PTPRK: variants seen among roughly 807,000 people sequenced by gnomAD.
The protein encoded by PTPRK is receptor-type tyrosine-protein phosphatase kappa.
Under a neutral mutation model 178.0 loss-of-function variants are expected in PTPRK, and 75 were observed. The ratio of observed to expected loss-of-function variants is 0.42; its 90% CI spans 0.35 to 0.51. The LOEUF is 0.51. Among genes scored for constraint, PTPRK ranks in the 20% least tolerant of loss-of-function variants. The pLI is 0.02. For synonymous variants in PTPRK, 637 were observed against 620.6 expected (o/e 1.03, Z -0.39); for missense variants, 1,441 against 1,797.8 (o/e 0.80, Z 3.59).
At chr6:128,145,242 T>A (rs572182283) in intron 7 of PTPRK, among the ~76,000 whole-genome samples, 1 of 152,108 alleles carries the variant, frequency 6.6e-6, no homozygotes, top group Admixed American at 6.6e-5. Flanking sequence ...AGTTCTTGTG[T>A]TCCTATCACA....
At chr6:128,246,108 A>G (rs181961840) in intron 3 of PTPRK, among the ~76,000 whole-genome samples, 40 of 152,302 alleles carry the variant, frequency 2.6e-4, no homozygotes, top group Non-Finnish European at 4.0e-4. Context: ...CTAGGAAAAT[A>G]AGTTTTATTT....
chr6:128,131,448 G>A (rs1794227849), intron 7 of PTPRK, among the ~76,000 whole-genome samples: 1 of 152,140 alleles, frequency 6.6e-6, no homozygotes, highest in African/African-American at 2.4e-5. Flanking sequence ...GATGGTAGTG[G>A]TGGGGGATGG....
At chr6:128,412,083 A>G (rs1363078003) in intron 1 of PTPRK, among the ~76,000 whole-genome samples, 1 of 152,220 alleles carries the variant, frequency 6.6e-6, no homozygotes, top group East Asian at 1.9e-4. Flanking sequence ...TTCTAAAACA[A>G]TATTAGTAAT....
chr6:128,390,540 T>C (rs1404558191), intron 2 of PTPRK, among the ~76,000 whole-genome samples: 1 of 152,152 alleles, frequency 6.6e-6, no homozygotes, highest in East Asian at 1.9e-4. Flanking sequence ...AAATAAATTA[T>C]ATAGCTCATT....
At chr6:128,041,510 T>C (rs971301789) in intron 13 of PTPRK, among the ~76,000 whole-genome samples, 23 of 152,002 alleles carry the variant, frequency 1.5e-4, no homozygotes, top group African/African-American at 5.6e-4. Flanking sequence ...TAATACTTTT[T>C]CCCTGCAATT....
chr6:128,359,838 A>T (rs1044692217), intron 2 of PTPRK, among the ~76,000 whole-genome samples: 1 of 152,192 alleles, frequency 6.6e-6, no homozygotes, highest in East Asian at 1.9e-4. Flanking sequence ...TACTATCTCA[A>T]TTAATAAGTG....
At chr6:128,344,709 G>A (rs1832170409) in intron 2 of PTPRK, among the ~76,000 whole-genome samples, 3 of 151,942 alleles carry the variant, frequency 2.0e-5, no homozygotes, top group South Asian at 4.1e-4. Context: ...AAAAGATGGG[G>A]TTTTGTCATT....
At chr6:128,151,687 T>C (rs1368364640) in intron 7 of PTPRK, among the ~76,000 whole-genome samples, 3 of 152,064 alleles carry the variant, frequency 2.0e-5, no homozygotes, top group African/African-American at 7.2e-5. Context: ...GCTTCCACTG[T>C]AGAGAACGTG....
chr6:128,239,129 T>G (rs1021825900), intron 5 of PTPRK, among the ~76,000 whole-genome samples: 7 of 125,170 alleles, frequency 5.6e-5, no homozygotes, highest in African/African-American at 8.2e-5. Flanking sequence ...CATCTTGTTT[T>G]TTTTTTTTTT....
At chr6:128,340,692 T>G in intron 2 of PTPRK, 1 of 399,946 alleles carries the variant, frequency 2.5e-6, no homozygotes, top group Non-Finnish European at 4.8e-6. Context: ...CTTTGTTATT[T>G]AATATAAAAT....
At chr6:128,182,794 T>C (rs1242181162) in intron 7 of PTPRK, among the ~76,000 whole-genome samples, 10 of 152,236 alleles carry the variant, frequency 6.6e-5, no homozygotes, top group African/African-American at 2.4e-4. Context: ...ACATGCAATC[T>C]CCATGGCTTT....
intron 6 of PTPRK, among the ~76,000 whole-genome samples, chr6:128,200,116 T>C (rs1236836187): frequency 6.6e-6 from 1 of 152,204 alleles, no homozygotes; most frequent in Non-Finnish European, 1.5e-5. Flanking sequence ...GTTCATACAT[T>C]TCCCAGAGCA....
At chr6:128,258,971 G>C (rs2128292676) in intron 3 of PTPRK, among the ~76,000 whole-genome samples, 1 of 152,200 alleles carries the variant, frequency 6.6e-6, no homozygotes, top group South Asian at 2.1e-4. Context: ...GAGGATATGG[G>C]GTAGAATTCC....
chr6:128,254,878 T>C (rs1166305178), intron 3 of PTPRK, among the ~76,000 whole-genome samples: 1 of 152,188 alleles, frequency 6.6e-6, no homozygotes, highest in Non-Finnish European at 1.5e-5. Context: ...AAATAAATCC[T>C]TGGAACTTTT....
chr6:128,308,176 C>T (rs1016226537), intron 3 of PTPRK, among the ~76,000 whole-genome samples: 2 of 151,526 alleles, frequency 1.3e-5, no homozygotes, highest in Non-Finnish European at 2.9e-5. Flanking sequence ...ATCATGATAC[C>T]ATTTATAAAA....
At chr6:128,474,075 T>G (rs968842206) in intron 1 of PTPRK, among the ~76,000 whole-genome samples, 3 of 151,966 alleles carry the variant, frequency 2.0e-5, no homozygotes, top group African/African-American at 7.2e-5. Flanking sequence ...GATAACTAAA[T>G]TATTTGTAAG....
At chr6:128,227,066 T>C (rs1477347730) in intron 5 of PTPRK, among the ~76,000 whole-genome samples, 2 of 152,096 alleles carry the variant, frequency 1.3e-5, no homozygotes, top group Non-Finnish European at 1.5e-5. Flanking sequence ...AAAATATCAC[T>C]CTTAGATATA....
At position 127,982,887 on chromosome 6, in the gene PTPRK, C is replaced by G. The variant is rs139802408; in HGVS notation, c.3481G>C (p.Asp1161His). ...PVCEFKAAYF[D>H]MIRIDSQTNS... ...GTCTGGGAGTCTATTCTAATCATAT[C>G]AAAATATGCAGCTTTAAATTCACAG... Residue 1161 changes from aspartate to histidine, a missense_variant, in exon 24 of 30, where the codon GAT (aspartate) becomes CAT (histidine). Physicochemically the swap from Asp to His is moderately conservative, Grantham distance 81 (BLOSUM62 -1). This residue lies in a region of PTPRK where 335 missense variants were observed against 512.4 expected (regional missense o/e 0.65). Transcript: ENST00000368226. 1.9e-6 allele frequency: 3 copies of G among 1,612,484 alleles called. No individual in the cohort carries two copies. The highest frequency in any genetic ancestry group is 2.5e-6 in the Non-Finnish European group (3 of 1,178,764).
At chr6:128,088,884 A>G (rs1331378776) in intron 8 of PTPRK, among the ~76,000 whole-genome samples, 1 of 152,202 alleles carries the variant, frequency 6.6e-6, no homozygotes. Context: ...TACAGATATG[A>G]ACTGTTGCTT....
Sources: allele counts gnomAD v4.1 joint callset (sites outside exome capture counted in the v4.1 genomes callset), GRCh38; gene constraint gnomAD v4.1.1; regional missense constraint gnomAD v4.1.1; transcripts MANE v1.5; gene names NCBI Gene and HGNC (gene_info 2026-07-23, HGNC 2026-07-21).